MYO1D: variants seen among roughly 807,000 people sequenced by gnomAD.
The protein encoded by MYO1D is myosin ID.
In MYO1D, 83 loss-of-function variants were observed where a neutral mutation model predicts 122.0. The observed-to-expected ratio is 0.68, with a 90% CI of 0.57 to 0.82. The LOEUF (loss-of-function observed/expected upper bound fraction) is 0.82. Among genes scored for constraint, MYO1D ranks in the 40% least tolerant of loss-of-function variants. The pLI, the probability that MYO1D is intolerant of heterozygous loss-of-function variation, is 0.00. For missense variants in MYO1D, 1,157 were observed against 1,269.5 expected (o/e 0.91, Z 1.35); for synonymous variants, 464 against 446.9 (o/e 1.04, Z -0.48).
Position 32,662,675 on chromosome 17 carries a change from G to GA in MYO1D, c.2122-3338dup, listed in dbSNP as rs372225440. On this transcript the variant is annotated intron_variant, in intron 16 of 21. Transcript: ENST00000318217. ...GTGACAGAGCGAGACTGTCTCAAAA[G>GA]AAAAAAAAAAAGAGCTGTGTAAACT... is the stretch of plus-strand genomic sequence containing the variant. Among the ~76,000 whole-genome samples, 426 of 141,536 alleles carry GA rather than the reference G, an allele frequency of 3.0e-3. 1 individual carries two copies. The highest frequency in any genetic ancestry group is 9.0e-3 in the African/African-American group (350 of 38,870). 92.9% of individuals were successfully genotyped at this position (141,536 alleles called of 152,430 possible). A position where few individuals can be genotyped will look rare whatever the true frequency, so the allele number is the denominator to read the frequency against.
In MYO1D at chr17:32,764,861, G is replaced by T; in HGVS notation, c.1035+17C>A. 6.2e-7 allele frequency: 1 copy of T among 1,612,866 alleles called. No individual in the cohort carries two copies. On this transcript the variant is annotated intron_variant, in intron 8 of 21. Transcript: ENST00000318217. ...TGCGATCAACACCAGGTGACATAGG[G>T]TCAGTTACACTCTCACCTTGGCAAA... is the stretch of plus-strand genomic sequence containing the variant.
intron 11 of MYO1D, among the ~76,000 whole-genome samples, chr17:32,754,445 A>G (rs1426265479): frequency 6.6e-6 from 1 of 152,214 alleles, no homozygotes; most frequent in Non-Finnish European, 1.5e-5. Flanking sequence ...GTTACTATCA[A>G]TCCTCAGTAA....
At chr17:32,532,949 C>G (rs1198411445) in intron 21 of MYO1D, among the ~76,000 whole-genome samples, 2 of 152,074 alleles carry the variant, frequency 1.3e-5, no homozygotes, top group Non-Finnish European at 2.9e-5. Context: ...TTTTTCAAAT[C>G]ATTGAATTCT....
chr17:32,771,246 A>G, intron 5 of MYO1D, 26 bp from the exon 6 acceptor site: 2 of 1,531,588 alleles, frequency 1.3e-6, no homozygotes, highest in Non-Finnish European at 1.8e-6. Context: ...TTAGAAATAA[A>G]TTGGCCAGAC....
intron 21 of MYO1D, among the ~76,000 whole-genome samples, chr17:32,567,596 T>C (rs1299497231): frequency 1.3e-5 from 2 of 152,238 alleles, no homozygotes; most frequent in Non-Finnish European, 2.9e-5. Flanking sequence ...GTACTCTTTC[T>C]CTGCCCTGTG....
chr17:32,833,265 T>C lies in MYO1D; in HGVS notation c.95+43513A>G, dbSNP rs369454180. Reference sequence around the variant, plus strand: ...TTATCTTCAAAGTATATCTAGAATCTGTTTATCTTCAAAGTACATACAGAA... The same window carrying C: ...TTATCTTCAAAGTATATCTAGAATCCGTTTATCTTCAAAGTACATACAGAA... On this transcript the variant is annotated intron_variant, in intron 1 of 21. Transcript: ENST00000318217. Among the ~76,000 whole-genome samples the C allele has an allele frequency of 3.3e-5, 5 of 152,338 alleles. No individual in the cohort carries two copies. The South Asian group carries it at 1.0e-3, about 32-fold the overall frequency.
At chr17:32,643,857 T>C (rs931988518) in intron 19 of MYO1D, among the ~76,000 whole-genome samples, 17 of 152,202 alleles carry the variant, frequency 1.1e-4, no homozygotes, top group African/African-American at 3.9e-4. Context: ...TTTGTTGATC[T>C]TTTCAACAAA....
At chr17:32,557,784 T>C (rs527978300) in intron 21 of MYO1D, among the ~76,000 whole-genome samples, 1 of 152,144 alleles carries the variant, frequency 6.6e-6, no homozygotes, top group African/African-American at 2.4e-5. Context: ...ACTATGTAAT[T>C]TGGACATAAT....
chr17:32,579,595 C>T (rs1448659984), intron 21 of MYO1D, among the ~76,000 whole-genome samples: 5 of 152,212 alleles, frequency 3.3e-5, no homozygotes, highest in African/African-American at 1.2e-4. Flanking sequence ...GAAACCATCA[C>T]TGCACTCAAA....
chr17:32,813,772 G>A (rs1430518607), intron 1 of MYO1D, among the ~76,000 whole-genome samples: 2 of 152,218 alleles, frequency 1.3e-5, no homozygotes, highest in East Asian at 3.9e-4. Flanking sequence ...GACCAGTTAA[G>A]AGACAGCTGC....
intron 21 of MYO1D, among the ~76,000 whole-genome samples, chr17:32,540,411 A>C (rs1436194537): frequency 6.6e-6 from 1 of 151,966 alleles, no homozygotes; most frequent in Non-Finnish European, 1.5e-5. Context: ...CTGATAAGGA[A>C]CTTGTATCTA....
At chr17:32,778,974 A>G (rs2090208177) in intron 2 of MYO1D, among the ~76,000 whole-genome samples, 1 of 152,130 alleles carries the variant, frequency 6.6e-6, no homozygotes, top group Non-Finnish European at 1.5e-5. Flanking sequence ...TCTATAAGAG[A>G]ATTTCTTTTA....
At chr17:32,610,070 C>A (rs1198985535) in intron 20 of MYO1D, among the ~76,000 whole-genome samples, 1 of 152,206 alleles carries the variant, frequency 6.6e-6, no homozygotes, top group Non-Finnish European at 1.5e-5. Flanking sequence ...ATGGTAACAG[C>A]AGTAACTCTG....
chr17:32,507,500 G>A (rs1048626348), intron 21 of MYO1D, among the ~76,000 whole-genome samples: 1 of 152,132 alleles, frequency 6.6e-6, no homozygotes, highest in Non-Finnish European at 1.5e-5. Context: ...AGTACACACA[G>A]AACACATACT....
At chr17:32,590,168 T>A (rs1200963639) in intron 21 of MYO1D, among the ~76,000 whole-genome samples, 3 of 152,236 alleles carry the variant, frequency 2.0e-5, no homozygotes, top group Non-Finnish European at 4.4e-5. Flanking sequence ...TTTTATAAGC[T>A]TCTACTTATT....
intron 19 of MYO1D, among the ~76,000 whole-genome samples, chr17:32,647,113 A>G (rs1475741057): frequency 6.6e-6 from 1 of 152,226 alleles, no homozygotes; most frequent in East Asian, 1.9e-4. Flanking sequence ...AGGTTTAGTC[A>G]GTACCACAGG....
chr17:32,734,857 A>T (rs1239587576), intron 14 of MYO1D: 2 of 151,734 alleles, frequency 1.3e-5, no homozygotes, highest in African/African-American at 4.8e-5. Context: ...ATGACCTGAG[A>T]TCAGGAGTTC....
chr17:32,526,318 C>T (rs1910341303), intron 21 of MYO1D, among the ~76,000 whole-genome samples: 1 of 152,200 alleles, frequency 6.6e-6, no homozygotes, highest in Non-Finnish European at 1.5e-5. Context: ...CTTCCTTTCC[C>T]TCCAATATAT....
intron 21 of MYO1D, among the ~76,000 whole-genome samples, chr17:32,596,335 G>A (rs1446772690): frequency 6.6e-6 from 1 of 152,238 alleles, no homozygotes; most frequent in Non-Finnish European, 1.5e-5. Context: ...CCTCACTGCA[G>A]GTGCAGCAGA....
Sources: gnomAD v4.1 joint callset for allele counts (sites outside exome capture counted in the v4.1 genomes callset) on GRCh38, gnomAD v4.1.1 for gene constraint, MANE v1.5 for transcripts, NCBI Gene and HGNC (gene_info 2026-07-23, HGNC 2026-07-21) for gene names.